Variants in SAV1 observed in about 807,000 individuals in gnomAD.
The protein encoded by SAV1 is protein salvador homolog 1.
SAV1 carries 23 observed loss-of-function variants against 47.3 expected under a neutral mutation model. That is an observed-to-expected ratio of 0.49 (90% CI 0.35 to 0.69). SAV1 has a LOEUF of 0.69. SAV1 is among the 30% of genes least tolerant of loss of function. The pLI is 0.01. For synonymous variants in SAV1, 155 were observed against 159.2 expected, an observed-to-expected ratio of 0.97 and a Z score of 0.20; for missense variants, 448 against 457.4, an observed-to-expected ratio of 0.98 and a Z score of 0.19.
At chr14:50,639,867 T>A (rs1400987195) in intron 4 of SAV1, among the ~76,000 whole-genome samples, 5 of 152,168 alleles carry the variant, frequency 3.3e-5, no homozygotes, top group African/African-American at 4.8e-5. Flanking sequence ...ATACAGATAT[T>A]ATGTACTATT....
chr14:50,646,888 T>C (rs997429957), intron 2 of SAV1, among the ~76,000 whole-genome samples: 1 of 152,130 alleles, frequency 6.6e-6, no homozygotes, highest in African/African-American at 2.4e-5. Context: ...CAGTATGGTA[T>C]TGTCAGAAGA....
rs1325940115 is a variant in SAV1, at chr14:50,647,291, GA to G, written c.536-2278del. Among the ~76,000 whole-genome samples the G allele has an allele frequency of 2.0e-5, 3 of 152,082 alleles. No individual in the cohort carries two copies. In the East Asian group the frequency reaches 5.8e-4, roughly 29 times the overall value. ...AAAACGCTTGTGAAGGACACTAAGA[GA>G]AAGAAAATCAAGCTGTAAACAGGGA... On this transcript the variant is annotated intron_variant, in intron 2 of 4. Transcript: ENST00000324679.
Position 50,668,181 on chromosome 14 carries a change from C to T in SAV1, c.-214G>A. On this transcript the variant is annotated 5_prime_UTR_variant, in exon 1 of 5. Coordinates refer to ENST00000324679, the MANE Select transcript of SAV1 (RefSeq NM_021818.4). Reference sequence around the variant, plus strand: ...CGCCGGCCGCCGCTCAGTCGCTGGTCAGTTCCTTCCCGGAAGTCGGCCCGC... The same window carrying T: ...CGCCGGCCGCCGCTCAGTCGCTGGTTAGTTCCTTCCCGGAAGTCGGCCCGC... 2 of 282,350 alleles carry T rather than the reference C, an allele frequency of 7.1e-6. No individual in the cohort carries two copies. The highest frequency in any genetic ancestry group is 6.5e-6 in the Non-Finnish European group (1 of 153,892). 17.5% of individuals were successfully genotyped at this position (282,350 alleles called of 1,614,324 possible). A position where few individuals can be genotyped will look rare whatever the true frequency, so the allele number is the denominator to read the frequency against.
intron 2 of SAV1, among the ~76,000 whole-genome samples, chr14:50,647,618 G>T (rs1337014710): frequency 1.3e-5 from 2 of 152,012 alleles, no homozygotes; most frequent in African/African-American, 4.8e-5. Context: ...AAAAAAAGGG[G>T]GGTAAGAATT....
rs1317791596 is a variant in SAV1 at position 50,667,867 on chromosome 14, C to A, written c.94+7G>T. On this transcript the variant is annotated splice_region_variant and intron_variant, in intron 1 of 4. Coordinates refer to ENST00000324679, the MANE Select transcript of SAV1 (RefSeq NM_021818.4). Reference sequence around the variant, plus strand: ...CCAGGTGTGGGCACGCCCCGCCTGACACTCACTCCGAAGCAGAGGCGACGT... The same window carrying A: ...CCAGGTGTGGGCACGCCCCGCCTGAAACTCACTCCGAAGCAGAGGCGACGT... The A allele has an allele frequency of 6.2e-7, 1 of 1,612,748 alleles. No individual in the cohort carries two copies. Among genetic ancestry groups the A allele is most frequent in the Non-Finnish European group, 8.5e-7 (1 of 1,179,086 alleles).
intron 3 of SAV1, 80 bp downstream of exon 3, chr14:50,644,664 T>C: frequency 7.5e-7 from 1 of 1,338,284 alleles, no homozygotes; most frequent in South Asian, 1.6e-5. Context: ...GATGCTATTC[T>C]CTTAGATGAA....
intron 2 of SAV1, among the ~76,000 whole-genome samples, chr14:50,653,957 TA>T (rs753370487): frequency 1.3e-5 from 2 of 152,004 alleles, no homozygotes; most frequent in East Asian, 1.9e-4. Context: ...CAGGTCTTAA[TA>T]AAAAAAATTG....
At chr14:50,638,785 T>C (rs1055610308) in intron 4 of SAV1, among the ~76,000 whole-genome samples, 42 of 152,242 alleles carry the variant, frequency 2.8e-4, no homozygotes, top group Non-Finnish European at 1.5e-5. Flanking sequence ...TATTTTATTT[T>C]GAGATGGAGT....
chr14:50,659,567 G>C (rs1205379883), intron 2 of SAV1, among the ~76,000 whole-genome samples: 1 of 152,236 alleles, frequency 6.6e-6, no homozygotes, highest in South Asian at 2.1e-4. Flanking sequence ...CAATAATCCA[G>C]ACTGGGTGCT....
chr14:50,642,334 CA>C (rs1168804162), intron 3 of SAV1, among the ~76,000 whole-genome samples: 1 of 151,922 alleles, frequency 6.6e-6, no homozygotes, highest in Non-Finnish European at 1.5e-5. Context: ...ACTAAAAATA[CA>C]AAACTTAACC....
intron 3 of SAV1, among the ~76,000 whole-genome samples, chr14:50,643,339 T>C (rs756398715): frequency 2.6e-5 from 4 of 152,140 alleles, no homozygotes; most frequent in Admixed American, 6.5e-5. Context: ...AGTTCCATAA[T>C]TGGGAGGCCT....
intron 2 of SAV1, among the ~76,000 whole-genome samples, chr14:50,646,693 A>AT (rs2140252888): frequency 1.3e-5 from 2 of 152,060 alleles, no homozygotes; most frequent in South Asian, 4.2e-4. Context: ...CTCAAAAAAA[A>AT]AAAAAAAAAA....
chr14:50,647,270 C>T (rs189662791), intron 2 of SAV1, among the ~76,000 whole-genome samples: 2 of 152,070 alleles, frequency 1.3e-5, no homozygotes, highest in Admixed American at 6.5e-5. Flanking sequence ...AGATTAAAAA[C>T]GCTTGTGAAG....
chr14:50,657,061 C>T (rs1433207822), intron 2 of SAV1, among the ~76,000 whole-genome samples: 1 of 144,934 alleles, frequency 6.9e-6, no homozygotes, highest in African/African-American at 2.6e-5. Context: ...GAGTCTCACG[C>T]TGTCGCCCAT....
intron 3 of SAV1, among the ~76,000 whole-genome samples, chr14:50,642,444 G>A (rs2039688197): frequency 6.6e-6 from 1 of 150,766 alleles, no homozygotes. Flanking sequence ...AGCTGAGATC[G>A]CGCCACTGCA....
At chr14:50,657,932 C>A (rs2039827001) in intron 2 of SAV1, among the ~76,000 whole-genome samples, 1 of 152,114 alleles carries the variant, frequency 6.6e-6, no homozygotes, top group Non-Finnish European at 1.5e-5. Flanking sequence ...GAATAAGACT[C>A]AAATAGGCCG....
intron 2 of SAV1, among the ~76,000 whole-genome samples, chr14:50,660,565 A>C (rs2039850324): frequency 6.6e-6 from 1 of 152,204 alleles, no homozygotes; most frequent in East Asian, 1.9e-4. Flanking sequence ...GAAATAATCA[A>C]GTCAGGGTAT....
intron 2 of SAV1, chr14:50,663,165 G>T (rs1228366501): frequency 1.3e-5 from 2 of 152,102 alleles, no homozygotes; most frequent in African/African-American, 4.8e-5. Context: ...CAAGTAAAAA[G>T]AACAGAAAAC....
At chr14:50,638,137 T>C (rs2039651534) in intron 4 of SAV1, among the ~76,000 whole-genome samples, 1 of 152,214 alleles carries the variant, frequency 6.6e-6, no homozygotes, top group African/African-American at 2.4e-5. Context: ...ATGGAAATCC[T>C]ATTCCAAATT....
Sources: gnomAD v4.1 joint callset for allele counts (sites outside exome capture counted in the v4.1 genomes callset) on GRCh38, gnomAD v4.1.1 for gene constraint, MANE v1.5 for transcripts, NCBI Gene and HGNC (gene_info 2026-07-23, HGNC 2026-07-21) for gene names.